B9D1: variants seen among roughly 807,000 people sequenced by gnomAD.
B9D1 encodes the protein B9 domain containing 1.
Under a neutral mutation model 26.1 loss-of-function variants are expected in B9D1, and 20 were observed. The ratio of observed to expected loss-of-function variants is 0.77; its 90% confidence interval spans 0.54 to 1.12. The LOEUF is 1.12. Among genes scored for constraint, B9D1 ranks in the 50% most tolerant of loss-of-function variants. B9D1 has a pLI of 0.00. For missense variants in B9D1, 260 were observed against 273.7 expected (o/e 0.95, Z 0.35); for synonymous variants, 105 against 103.1 (o/e 1.02, Z -0.11).
At chr17:19,354,554 G>T (rs1334022089) in intron 3 of B9D1, among the ~76,000 whole-genome samples, 1 of 152,186 alleles carries the variant, frequency 6.6e-6, no homozygotes, top group African/African-American at 2.4e-5. Context: ...TTTTGGCTGG[G>T]TGCAGTGGCT....
chr17:19,371,909 C>T (rs1911913097), intron 1 of B9D1, among the ~76,000 whole-genome samples: 1 of 152,192 alleles, frequency 6.6e-6, no homozygotes, highest in Admixed American at 6.5e-5. Flanking sequence ...ATGCCCCAGC[C>T]ACACACTGGG....
chr17:19,342,790 G>C (rs1908120735), downstream of B9D1, among the ~76,000 whole-genome samples: 1 of 152,154 alleles, frequency 6.6e-6, no homozygotes, highest in Non-Finnish European at 1.5e-5. Flanking sequence ...CTGAGGGTCT[G>C]CCATCCCCCG....
chr17:19,358,138 G>A (rs186786290), intron 2 of B9D1, among the ~76,000 whole-genome samples, 187 bp from the exon 3 acceptor site: 8 of 152,104 alleles, frequency 5.3e-5, no homozygotes, highest in African/African-American at 1.7e-4. Context: ...CTTTAACGCC[G>A]TAGCTTGACA....
chr17:19,343,608 T>G (rs1341657104), intron 6 of B9D1, 147 bp from the exon 7 acceptor site: 1 of 1,573,026 alleles, frequency 6.4e-7, no homozygotes, highest in East Asian at 2.4e-5. Flanking sequence ...GTAAAGGGGC[T>G]GCCGGGACAG....
chr17:19,351,969 C>G (rs1909668431), intron 3 of B9D1, among the ~76,000 whole-genome samples: 2 of 151,916 alleles, frequency 1.3e-5, no homozygotes, highest in South Asian at 4.2e-4. Flanking sequence ...CACTACACCC[C>G]CAAACTCCTA....
At chr17:19,369,844 T>C (rs1414383346) in intron 1 of B9D1, among the ~76,000 whole-genome samples, 1 of 152,184 alleles carries the variant, frequency 6.6e-6, no homozygotes, top group Admixed American at 6.5e-5. Context: ...AGACTCGCTG[T>C]GTGATTCCGC....
intron 2 of B9D1, among the ~76,000 whole-genome samples, chr17:19,358,509 C>A (rs1264066628): frequency 6.6e-6 from 1 of 152,216 alleles, no homozygotes; most frequent in South Asian, 2.1e-4. Context: ...AAAGGGTTTT[C>A]TCCATTAATG....
In B9D1 at chr17:19,372,795, T is replaced by C. The variant is rs1911954672; in HGVS notation, c.-298+5064A>G. Among the ~76,000 whole-genome samples, 2 of 152,168 alleles carry C rather than the reference T, an allele frequency of 1.3e-5. No individual in the cohort carries two copies. Among genetic ancestry groups the C allele is most frequent in the African/African-American group, 4.8e-5 (2 of 41,430 alleles). ...CTTCGTAAAACTTAAGAGCATGGGA[T>C]TGGAAGGGAGGCAGTAACATCAGCA... On this transcript the variant is annotated intron_variant, in intron 1 of 5. Coordinates refer to the B9D1 transcript ENST00000477478. The surrounding 1 kb of genome is among the most constrained non-coding windows in gnomAD (Gnocchi z 4.4).
At chr17:19,374,984 A>G (rs1912041202) in intron 1 of B9D1, among the ~76,000 whole-genome samples, 1 of 152,242 alleles carries the variant, frequency 6.6e-6, no homozygotes, top group African/African-American at 2.4e-5. Context: ...AAAAAGGCAA[A>G]TAATCCAATT....
intron 5 of B9D1, among the ~76,000 whole-genome samples, chr17:19,345,808 G>A (rs1376305753): frequency 5.3e-5 from 8 of 152,226 alleles, no homozygotes; most frequent in Non-Finnish European, 8.8e-5. Flanking sequence ...CTAGGCCAGC[G>A]CTGGAGGATG....
chr17:19,342,310 T>C (rs1908059951), downstream of B9D1, among the ~76,000 whole-genome samples: 1 of 151,282 alleles, frequency 6.6e-6, no homozygotes, highest in South Asian at 2.1e-4. Context: ...GGCACGGGAG[T>C]GCTCGTGAGA....
At chr17:19,335,124 A>G, downstream of B9D1, 1 of 256,352 alleles carries the variant, frequency 3.9e-6, no homozygotes, top group Non-Finnish European at 7.3e-6. Flanking sequence ...CAAATTCTTT[A>G]TAGGAAGAAA....
intron 5 of B9D1, among the ~76,000 whole-genome samples, chr17:19,345,181 G>C (rs568358628): frequency 1.3e-5 from 2 of 152,312 alleles, no homozygotes; most frequent in African/African-American, 4.8e-5. Context: ...AGGCAAGGAA[G>C]GACCCCTCAG....
intron 5 of B9D1, among the ~76,000 whole-genome samples, chr17:19,346,294 C>T (rs779871561): frequency 5.3e-5 from 8 of 152,220 alleles, no homozygotes; most frequent in South Asian, 2.1e-4. Flanking sequence ...CTGAGGCCAG[C>T]GGAGACCCTG....
downstream of B9D1, chr17:19,341,150 CTT>C (rs1907921725): frequency 2.4e-6 from 3 of 1,230,272 alleles, no homozygotes; most frequent in Non-Finnish European, 3.0e-6. Context: ...AAGAGGGTGA[CTT>C]AGTATTTCCC....
At chr17:19,346,994 T>A (rs1316652098) in intron 5 of B9D1, 1 of 1,535,294 alleles carries the variant, frequency 6.5e-7, no homozygotes, top group Non-Finnish European at 8.8e-7. Flanking sequence ...GTCATGAGCA[T>A]TTTTCCCATC....
At chr17:19,346,359 C>G (rs1190341600) in intron 5 of B9D1, among the ~76,000 whole-genome samples, 1 of 152,234 alleles carries the variant, frequency 6.6e-6, no homozygotes, top group Non-Finnish European at 1.5e-5. Flanking sequence ...CGGCCCTGGG[C>G]GCGATGCTGT....
At chr17:19,358,765 G>A (rs1910675894) in intron 2 of B9D1, among the ~76,000 whole-genome samples, 1 of 152,150 alleles carries the variant, frequency 6.6e-6, no homozygotes, top group Admixed American at 6.5e-5. Context: ...TCCATCTCAT[G>A]GCTTTCAATG....
At chr17:19,369,436 C>G (rs1911773659) in intron 1 of B9D1, among the ~76,000 whole-genome samples, 1 of 152,118 alleles carries the variant, frequency 6.6e-6, no homozygotes, top group African/African-American at 2.4e-5. Flanking sequence ...ACAATCAGGG[C>G]TTTACTATTT....
Sources: gnomAD v4.1 joint callset for allele counts (sites outside exome capture counted in the v4.1 genomes callset) on GRCh38, gnomAD v4.1.1 for gene constraint, Gnocchi (gnomAD v3.1) non-coding constraint, MANE v1.5 for transcripts, NCBI Gene and HGNC (gene_info 2026-07-23, HGNC 2026-07-21) for gene names.